Variants in ELAC1 observed in about 807,000 individuals in gnomAD.
ELAC1 encodes the protein elaC ribonuclease Z 1, also known as zinc phosphodiesterase ELAC protein 1.
Under a neutral mutation model 25.8 loss-of-function variants are expected in ELAC1, and 19 were observed. That is an observed-to-expected ratio of 0.74 (90% CI 0.51 to 1.08). The LOEUF (loss-of-function observed/expected upper bound fraction) is 1.08, where lower values mean the gene tolerates loss of function less well. Ranked by LOEUF, ELAC1 falls within the 50% of genes least tolerant of loss-of-function variation. The probability of loss-of-function intolerance (pLI) is 0.00; values close to 1 mark genes in which losing one functional copy is unlikely to be tolerated. For synonymous variants in ELAC1, 148 were observed against 160.9 expected, an observed-to-expected ratio of 0.92 and a Z score of 0.61; for missense variants, 403 against 434.6, an observed-to-expected ratio of 0.93 and a Z score of 0.65.
intron 2 of ELAC1, among the ~76,000 whole-genome samples, chr18:50,981,302 A>G (rs1043688717): frequency 1.3e-5 from 2 of 152,170 alleles, no homozygotes; most frequent in African/African-American, 4.8e-5. Flanking sequence ...TGAATTTTCT[A>G]TGTACATAGA....
chr18:50,987,228 C>A lies in ELAC1; in HGVS notation c.*143C>A. On this transcript the variant is annotated 3_prime_UTR_variant, in exon 4 of 4. Coordinates refer to ENST00000269466, the MANE Select transcript of ELAC1 (RefSeq NM_018696.3). ...GAATGGAGCTGCATTGATGAATTGG[C>A]TCAGTATTTAAAGGGAGCAAACTTT... The A allele has an allele frequency of 1.8e-6, 1 of 563,140 alleles. No individual in the cohort carries two copies. Among genetic ancestry groups the A allele is most frequent in the Non-Finnish European group, 2.8e-6 (1 of 359,356 alleles). The allele number at this position is 563,140 out of a possible 1,614,324, so 34.9% of individuals were successfully genotyped here. A position where few individuals can be genotyped will look rare whatever the true frequency, so the allele number is the denominator to read the frequency against.
chr18:50,974,559 C>T lies in ELAC1; in HGVS notation c.155C>T (p.Ala52Val). ...QTQLMKSQLK[A>V]GRITKIFITH... ...CAGCTTATGAAAAGCCAACTTAAAG[C>T]AGGTTAGTGTGCCTTCAGCTATCTC... The change falls in exon 2 of 4, where the codon GCA (alanine) becomes GTA (valine). Residue 52 changes from alanine to valine, a missense_variant and splice_region_variant. Physicochemically the swap from Ala to Val is moderately conservative, Grantham distance 64. Coordinates refer to ENST00000269466, the MANE Select transcript of ELAC1 (RefSeq NM_018696.3). 5 of 1,613,734 alleles carry T rather than the reference C, an allele frequency of 3.1e-6. No individual in the cohort carries two copies. The highest frequency in any genetic ancestry group is 4.2e-6 in the Non-Finnish European group (5 of 1,179,856).
At chr18:50,976,852 T>C (rs1907807271) in intron 2 of ELAC1, among the ~76,000 whole-genome samples, 1 of 152,152 alleles carries the variant, frequency 6.6e-6, no homozygotes, top group South Asian at 2.1e-4. Context: ...TTAGATACAA[T>C]GGGGGTACAG....
intron 1 of ELAC1, among the ~76,000 whole-genome samples, chr18:50,970,065 C>T (rs1410197648): frequency 6.6e-6 from 1 of 152,054 alleles, no homozygotes; most frequent in East Asian, 1.9e-4. Flanking sequence ...GGATGGAGCC[C>T]AATTATTGAT....
chr18:50,974,446 C>A lies in ELAC1; in HGVS notation c.42C>A (p.Tyr14Ter). ...CATTCCTGGGGACGGGTGCAGCATA[C>A]CCATCTCCAACCCGGGGTGCCTCTG... ...DVTFLGTGAA[Y>*]PSPTRGASAV... The change falls in exon 2 of 4, where the codon TAC becomes TAA. Residue 14 changes from tyrosine (Y) to a stop codon, truncating the protein, a stop_gained. Coordinates refer to ENST00000269466, the MANE Select transcript of ELAC1 (RefSeq NM_018696.3). LOFTEE classifies it high-confidence loss of function. The A allele has an allele frequency of 1.3e-6, 2 of 1,588,604 alleles. No homozygotes were observed. The highest frequency in any genetic ancestry group is 1.7e-6 in the Non-Finnish European group (2 of 1,167,892).
chr18:50,981,915 C>T (rs142063830), intron 2 of ELAC1, among the ~76,000 whole-genome samples: 2,796 of 147,090 alleles, frequency 0.019, 45 homozygotes, highest in Non-Finnish European at 0.025. Flanking sequence ...GGCGTGATCT[C>T]GGCTCACCAC....
At position 50,975,928 on chromosome 18, in the gene ELAC1, G is replaced by A. The variant is rs536537168; in HGVS notation, c.157+1367G>A. On this transcript the variant is annotated intron_variant, in intron 2 of 3. Coordinates refer to ENST00000269466, the MANE Select transcript of ELAC1 (RefSeq NM_018696.3). ...TGAGCTAGGATCCAAGAGATTCATA[G>A]AAGTTTTTCTGAGAGAGAGGTAGAG... 2.6e-5 allele frequency among the ~76,000 whole-genome samples: 4 copies of A among 152,338 alleles called. No homozygotes were observed. The East Asian group carries it at 7.7e-4, about 29-fold the overall frequency.
rs753725409 is a variant in ELAC1 at position 50,986,666 on chromosome 18, G to C, written c.673G>C (p.Val225Leu). The change falls in exon 4 of 4, where the codon GTT becomes CTT. Residue 225 changes from valine to leucine, a missense_variant. Val to Leu is a conservative substitution (Grantham distance 32). Transcript: ENST00000269466. ...TGGGAAGCTGAAAAATGGAATTTCT[G>C]TTGTTCTGGAAAATGGGGTTACAAT... ...AYGKLKNGIS[V>L]VLENGVTISP... The C allele has an allele frequency of 3.7e-6, 6 of 1,613,758 alleles. No individual in the cohort carries two copies. The African/African-American group carries it at 8.0e-5, about 22-fold the overall frequency.
chr18:50,973,898 A>G (rs1907727334), intron 1 of ELAC1, among the ~76,000 whole-genome samples: 1 of 152,236 alleles, frequency 6.6e-6, no homozygotes, highest in Admixed American at 6.5e-5. Context: ...TGATACAGAT[A>G]CACTGTCAAC....
intron 3 of ELAC1, chr18:50,984,873 A>G: frequency 2.1e-6 from 1 of 466,202 alleles, no homozygotes. Flanking sequence ...TCAAGGCTGC[A>G]GTAAGCCAAG....
At chr18:50,985,067 C>CAAA (rs1398861368) in intron 3 of ELAC1, among the ~76,000 whole-genome samples, 13 of 152,152 alleles carry the variant, frequency 8.5e-5, no homozygotes, top group African/African-American at 3.1e-4. Flanking sequence ...CTATTTAGAG[C>CAAA]AAAACCCAAG....
At chr18:50,968,529 A>G (rs1408259211) in intron 1 of ELAC1, 1 of 152,310 alleles carries the variant, frequency 6.6e-6, no homozygotes, top group East Asian at 1.9e-4. Context: ...GCCGGTTCTC[A>G]ACCCGGCAAC....
Position 50,986,936 on chromosome 18 carries a change from A to G in ELAC1, c.943A>G (p.Ser315Gly), listed in dbSNP as rs755786948. The G allele has an allele frequency of 8.7e-6, 14 of 1,614,030 alleles. No homozygotes were observed. The highest frequency in any genetic ancestry group is 1.2e-5 in the Non-Finnish European group (14 of 1,179,960). Residue 315 changes from serine to glycine, a missense_variant, in exon 4 of 4, where the codon AGT becomes GGT. By Grantham distance (56) the Ser-to-Gly change is moderately conservative (BLOSUM62 0). Coordinates refer to ENST00000269466, the MANE Select transcript of ELAC1 (RefSeq NM_018696.3). ...AAAGAGGCTGGTTCTGACTCACTTC[A>G]GTCAGAGGTACAAACCAGTTGCCTT... ...RAKRLVLTHF[S>G]QRYKPVALAR...
intron 2 of ELAC1, among the ~76,000 whole-genome samples, chr18:50,977,337 C>T (rs911622923): frequency 6.6e-6 from 1 of 152,240 alleles, no homozygotes; most frequent in Non-Finnish European, 1.5e-5. Context: ...CAGATGTTTC[C>T]ATACATCCTC....
Position 50,987,154 on chromosome 18 carries a change from T to G in ELAC1, c.*69T>G. 8.6e-7 allele frequency: 1 copy of G among 1,158,970 alleles called. No homozygotes were observed. Among genetic ancestry groups the G allele is most frequent in the Non-Finnish European group, 1.2e-6 (1 of 856,656 alleles). The allele number at this position is 1,158,970 out of a possible 1,614,324, so 71.8% of individuals were successfully genotyped here. A position where few individuals can be genotyped will look rare whatever the true frequency, so the allele number is the denominator to read the frequency against. Reference sequence around the variant, plus strand: ...TACTGAACCTATAGTCCAGTTTTTTTATTTCTTGTTTTAGTCTGAAATTAT... The same window carrying G: ...TACTGAACCTATAGTCCAGTTTTTTGATTTCTTGTTTTAGTCTGAAATTAT... On this transcript the variant is annotated 3_prime_UTR_variant, in exon 4 of 4. Transcript: ENST00000269466.
chr18:50,974,034 T>C (rs1338633019), intron 1 of ELAC1, among the ~76,000 whole-genome samples: 1 of 152,370 alleles, frequency 6.6e-6, no homozygotes, highest in South Asian at 2.1e-4. Context: ...AAACATCCCC[T>C]GTGCTCTGCC....
rs528407985 is a variant in ELAC1 at position 50,978,440 on chromosome 18, G to A, written c.157+3879G>A. ...AGGCAAAGGTATGTCTTACATGGTG[G>A]CAGGCAAGAGAGCATGTGCAGGGGA... On this transcript the variant is annotated intron_variant, in intron 2 of 3. Coordinates refer to ENST00000269466, the MANE Select transcript of ELAC1 (RefSeq NM_018696.3). Among the ~76,000 whole-genome samples, 17 of 152,340 alleles carry A rather than the reference G, an allele frequency of 1.1e-4. No individual in the cohort carries two copies. In the South Asian group the frequency reaches 3.5e-3, roughly 32 times the overall value.
intron 1 of ELAC1, 114 bp from the exon 2 acceptor site, chr18:50,974,283 C>A: frequency 1.1e-6 from 1 of 920,338 alleles, no homozygotes. Flanking sequence ...TATGAGAGAC[C>A]AAGAATCCAG....
chr18:50,983,691 T>TAAAAAAAAAAAA (rs35648801), intron 2 of ELAC1, among the ~76,000 whole-genome samples: 1 of 128,832 alleles, frequency 7.8e-6, no homozygotes. Flanking sequence ...TCTACAAAAT[T>TAAAAAAAAAAAA]AAAAAAAAAA....
Sources: allele counts gnomAD v4.1 joint callset (sites outside exome capture counted in the v4.1 genomes callset), GRCh38; gene constraint gnomAD v4.1.1; transcripts MANE v1.5; gene names NCBI Gene and HGNC (gene_info 2026-07-23, HGNC 2026-07-21).